The following TRAM2 variants were observed in gnomAD, a reference collection of about 807,000 sequenced individuals.
The protein encoded by TRAM2 is translocation associated membrane protein 2.
Under a neutral mutation model 51.0 loss-of-function variants are expected in TRAM2, and 12 were observed. The ratio of observed to expected loss-of-function variants is 0.24; its 90% CI spans 0.15 to 0.38. TRAM2 has a LOEUF of 0.38. Among genes scored for constraint, TRAM2 ranks in the 10% least tolerant of loss-of-function variants. TRAM2 has a pLI of 1.00. For synonymous variants in TRAM2, 175 were observed against 179.4 expected, an observed-to-expected ratio of 0.98 and a Z score of 0.20; for missense variants, 361 against 462.0, an observed-to-expected ratio of 0.78 and a Z score of 2.00.
intron 1 of TRAM2, among the ~76,000 whole-genome samples, chr6:52,558,444 CTG>C (rs1195346906): frequency 1.3e-5 from 2 of 152,162 alleles, no homozygotes; most frequent in South Asian, 2.1e-4. Context: ...TGCTCAATAA[CTG>C]TGGAATGAAC....
At chr6:52,547,807 G>T (rs1447859689) in intron 1 of TRAM2, among the ~76,000 whole-genome samples, 1 of 152,220 alleles carries the variant, frequency 6.6e-6, no homozygotes, top group East Asian at 1.9e-4. Context: ...GCGTCGGCTG[G>T]ACTGACAGAG....
chr6:52,568,012 T>G (rs895344511), intron 1 of TRAM2, among the ~76,000 whole-genome samples: 7 of 152,254 alleles, frequency 4.6e-5, no homozygotes, highest in African/African-American at 1.2e-4. Flanking sequence ...AGTCCTGTTC[T>G]ACATGTCCAT....
intron 1 of TRAM2, among the ~76,000 whole-genome samples, chr6:52,567,365 T>G (rs555829959): frequency 6.6e-6 from 1 of 152,114 alleles, no homozygotes; most frequent in Non-Finnish European, 1.5e-5. Flanking sequence ...GTAGAGAGAG[T>G]TGTATCAACA....
chr6:52,507,437 AT>A, intron 7 of TRAM2, 115 bp downstream of exon 7: 1 of 1,013,008 alleles, frequency 9.9e-7, no homozygotes, highest in Non-Finnish European at 1.5e-6. Context: ...AAGTCTTAGC[AT>A]AGTGCTAGGC....
intron 2 of TRAM2, among the ~76,000 whole-genome samples, chr6:52,531,300 T>C (rs1478523003): frequency 6.6e-6 from 1 of 152,214 alleles, no homozygotes; most frequent in East Asian, 1.9e-4. Context: ...GGGTTAGTGA[T>C]TAAGAAGCTC....
chr6:52,508,671 A>T (rs935085475), intron 5 of TRAM2, among the ~76,000 whole-genome samples: 1 of 152,212 alleles, frequency 6.6e-6, no homozygotes. Context: ...GAGACAACAA[A>T]CAGCTCTAAG....
intron 7 of TRAM2, among the ~76,000 whole-genome samples, chr6:52,506,710 C>G (rs1384772120): frequency 6.6e-6 from 1 of 152,192 alleles, no homozygotes; most frequent in Non-Finnish European, 1.5e-5. Flanking sequence ...GAGCTGGCAT[C>G]ACCCCACAGC....
chr6:52,504,124 C>G (rs1256068262), intron 10 of TRAM2, among the ~76,000 whole-genome samples: 1 of 152,252 alleles, frequency 6.6e-6, no homozygotes, highest in African/African-American at 2.4e-5. Context: ...TACCCCCCAC[C>G]TAGCACTATG....
At chr6:52,513,984 T>C (rs999340405) in intron 4 of TRAM2, among the ~76,000 whole-genome samples, 8 of 152,232 alleles carry the variant, frequency 5.3e-5, no homozygotes, top group African/African-American at 1.9e-4. Context: ...TAGTTCTTTG[T>C]TGTGGAGGCT....
intron 1 of TRAM2, among the ~76,000 whole-genome samples, chr6:52,566,912 C>G (rs1202800346): frequency 2.0e-5 from 3 of 152,230 alleles, no homozygotes; most frequent in Non-Finnish European, 4.4e-5. Flanking sequence ...CATATGGCAG[C>G]TCAACTGGGG....
chr6:52,545,310 G>C (rs937026450), intron 1 of TRAM2, among the ~76,000 whole-genome samples: 1 of 152,200 alleles, frequency 6.6e-6, no homozygotes, highest in South Asian at 2.1e-4. Flanking sequence ...GCAGGCCTTG[G>C]AGCAAGGTCC....
chr6:52,571,926 C>T (rs1454605793), intron 1 of TRAM2, among the ~76,000 whole-genome samples: 5 of 152,192 alleles, frequency 3.3e-5, no homozygotes, highest in Non-Finnish European at 2.9e-5. Context: ...TATTTTTACA[C>T]ATATTAGCCT....
At chr6:52,545,406 C>G (rs560459627) in intron 1 of TRAM2, among the ~76,000 whole-genome samples, 1 of 152,172 alleles carries the variant, frequency 6.6e-6, no homozygotes, top group Non-Finnish European at 1.5e-5. Context: ...GCCTGGGACA[C>G]GAATGACCTT....
chr6:52,501,212 ACT>A lies in TRAM2; in HGVS notation c.*1983_*1984del, dbSNP rs1230091684. 2 of 152,210 alleles carry A rather than the reference ACT, an allele frequency of 1.3e-5. No homozygotes were observed. Among genetic ancestry groups the A allele is most frequent in the South Asian group, 2.1e-4 (1 of 4,832 alleles). The allele number at this position is 152,210 out of a possible 1,614,324, so 9.4% of individuals were successfully genotyped here. ...GGGGGAAATACATATTTTCAAAAAC[ACT>A]GTCTCACTTCCTAAGGGTAATCAAA... On this transcript the variant is annotated 3_prime_UTR_variant, in exon 11 of 11. Transcript: ENST00000182527.
At chr6:52,562,029 C>T (rs1271408778) in intron 1 of TRAM2, among the ~76,000 whole-genome samples, 2 of 125,340 alleles carry the variant, frequency 1.6e-5, no homozygotes, top group Non-Finnish European at 3.4e-5. Flanking sequence ...GTATCATACA[C>T]TTTAAAATGG....
intron 1 of TRAM2, among the ~76,000 whole-genome samples, chr6:52,559,810 TG>T (rs1767468096): frequency 6.6e-6 from 1 of 152,226 alleles, no homozygotes; most frequent in Non-Finnish European, 1.5e-5. Context: ...TGCCAATATG[TG>T]GTATTATATC....
intron 5 of TRAM2, among the ~76,000 whole-genome samples, chr6:52,508,621 T>C (rs1766393118): frequency 6.6e-6 from 1 of 152,206 alleles, no homozygotes; most frequent in South Asian, 2.1e-4. Flanking sequence ...AGGGAGCTGA[T>C]TACAGAGCAC....
chr6:52,550,014 A>G (rs1767280587), intron 1 of TRAM2, among the ~76,000 whole-genome samples: 2 of 152,184 alleles, frequency 1.3e-5, no homozygotes, highest in Admixed American at 6.5e-5. Context: ...AAGGCAGAAT[A>G]GCATCTGTAA....
chr6:52,538,614 G>A (rs892797706), intron 1 of TRAM2, among the ~76,000 whole-genome samples: 6 of 152,200 alleles, frequency 3.9e-5, no homozygotes, highest in Non-Finnish European at 7.3e-5. Context: ...TAGAATCCCT[G>A]GGGGAGCTTC....
Sources: gnomAD v4.1 joint callset for allele counts (sites outside exome capture counted in the v4.1 genomes callset) on GRCh38, gnomAD v4.1.1 for gene constraint, MANE v1.5 for transcripts, NCBI Gene and HGNC (gene_info 2026-07-23, HGNC 2026-07-21) for gene names.